Variants in KANK1 observed in about 807,000 individuals in gnomAD.
KANK1 encodes KN motif and ankyrin repeat domain-containing protein 1.
Under a neutral mutation model 106.2 loss-of-function variants are expected in KANK1, and 109 were observed. The observed-to-expected ratio is 1.03, with a 90% CI of 0.88 to 1.20. The LOEUF (loss-of-function observed/expected upper bound fraction) is 1.20. Ranked by LOEUF, KANK1 falls within the 50% of genes most tolerant of loss-of-function variation. The probability of loss-of-function intolerance (pLI) is 0.00; values close to 1 mark genes in which losing one functional copy is unlikely to be tolerated. For synonymous variants in KANK1, 873 were observed against 652.2 expected (o/e 1.34, Z -5.16); for missense variants, 2,399 against 1,710.7 (o/e 1.40, Z -7.10).
chr9:675,363 C>T (rs73370884), intron 1 of KANK1, among the ~76,000 whole-genome samples: 4,870 of 152,156 alleles, frequency 0.032, 275 homozygotes, highest in African/African-American at 0.11. Context: ...TTTATTTCTC[C>T]CAACTTCTTC....
intron 1 of KANK1, among the ~76,000 whole-genome samples, chr9:524,678 C>T (rs951702157): frequency 2.6e-5 from 4 of 151,282 alleles, no homozygotes; most frequent in East Asian, 1.9e-4. Context: ...CTACGACACC[C>T]GGCTAATTTT....
chr9:637,156 G>C (rs1837341327), intron 1 of KANK1, among the ~76,000 whole-genome samples: 1 of 152,178 alleles, frequency 6.6e-6, no homozygotes, highest in South Asian at 2.1e-4. Context: ...AATTGGAAGA[G>C]TTGTCCTTCT....
chr9:557,750 C>G (rs1308348942), intron 1 of KANK1, among the ~76,000 whole-genome samples: 1 of 152,154 alleles, frequency 6.6e-6, no homozygotes, highest in African/African-American at 2.4e-5. Flanking sequence ...ACCTGTACGG[C>G]CAGGTGTGGT....
chr9:711,895 CTGGAGCAGA>C lies in KANK1; in HGVS notation c.1130_1138del (p.Leu377_Lys380delinsGln), dbSNP rs748767612. 5.0e-6 allele frequency: 8 copies of C among 1,614,164 alleles called. No individual in the cohort carries two copies. The Admixed American group carries it at 1.3e-4, about 27-fold the overall frequency. ...GCAACTTACAGCAGACATGCAAGCC[CTGGAGCAGA>C]AGATCCAGGACAGCAGCTGTGAGGC... On this transcript the variant is annotated inframe_deletion, in exon 3 of 12. Coordinates refer to ENST00000382297, the MANE Select transcript of KANK1 (RefSeq NM_015158.5).
In KANK1 at chr9:497,430, T is replaced by TCACACACA. The variant is rs112024846; in HGVS notation, c.-362+24167_-362+24174dup. Among the ~76,000 whole-genome samples the TCACACACA allele has an allele frequency of 3.8e-3, 572 of 150,830 alleles. 4 individuals carry two copies. Among genetic ancestry groups the TCACACACA allele is most frequent in the African/African-American group, 0.013 (521 of 40,862 alleles). Reference sequence around the variant, plus strand: ...GGTGCTCAGGTATGCATGTGACTCTTCACACACACACACACACTCACACTC... The same window carrying TCACACACA: ...GGTGCTCAGGTATGCATGTGACTCTTCACACACACACACACACACACACACTCACACTC... On this transcript the variant is annotated intron_variant, in intron 3 of 15. Transcript: ENST00000382303.
chr9:641,590 G>T (rs1838443619), intron 1 of KANK1, among the ~76,000 whole-genome samples: 1 of 152,172 alleles, frequency 6.6e-6, no homozygotes, highest in Non-Finnish European at 1.5e-5. Context: ...TCGGAACAGA[G>T]GCATCCTCAA....
intron 2 of KANK1, among the ~76,000 whole-genome samples, chr9:696,259 G>A (rs1821274718): frequency 6.6e-6 from 1 of 151,778 alleles, no homozygotes; most frequent in Non-Finnish European, 1.5e-5. Flanking sequence ...ACTCCAGCCT[G>A]GGTGACAGAG....
chr9:678,568 A>T (rs1816864599), intron 2 of KANK1, among the ~76,000 whole-genome samples: 1 of 151,988 alleles, frequency 6.6e-6, no homozygotes, highest in African/African-American at 2.4e-5. Context: ...ATCTCTACAA[A>T]AATACAAAAA....
chr9:528,758 G>C (rs975198656), intron 1 of KANK1, among the ~76,000 whole-genome samples: 2 of 151,936 alleles, frequency 1.3e-5, no homozygotes, highest in African/African-American at 4.8e-5. Flanking sequence ...AAAGTGCTGG[G>C]ATTACAGGCA....
intron 3 of KANK1, among the ~76,000 whole-genome samples, chr9:715,950 G>A (rs1827575090): frequency 6.6e-6 from 1 of 152,164 alleles, no homozygotes; most frequent in Non-Finnish European, 1.5e-5. Context: ...GTGGCCCAGG[G>A]TGCACTGTGC....
intron 1 of KANK1, among the ~76,000 whole-genome samples, chr9:611,239 G>C (rs926681653): frequency 3.9e-5 from 6 of 152,128 alleles, no homozygotes; most frequent in Non-Finnish European, 7.3e-5. Context: ...AAAAACAACA[G>C]GCAAACTAAA....
chr9:540,756 A>G (rs2060551415), intron 1 of KANK1: 1 of 152,138 alleles, frequency 6.6e-6, no homozygotes, highest in Non-Finnish European at 1.5e-5. Context: ...TGTAAGTTGT[A>G]TGTTTCTAGG....
At chr9:531,276 T>TA (rs1364636883) in intron 1 of KANK1, among the ~76,000 whole-genome samples, 6 of 151,880 alleles carry the variant, frequency 4.0e-5, no homozygotes, top group South Asian at 2.1e-4. Flanking sequence ...CTTCCCTCTA[T>TA]AAAAAATACC....
chr9:532,671 C>A (rs888698773), intron 1 of KANK1, among the ~76,000 whole-genome samples: 49 of 152,238 alleles, frequency 3.2e-4, no homozygotes, highest in African/African-American at 1.2e-3. Context: ...TTGGCGTGAG[C>A]ATCTTATTTG....
chr9:577,453 G>A (rs953074245), intron 1 of KANK1, among the ~76,000 whole-genome samples: 7 of 151,960 alleles, frequency 4.6e-5, no homozygotes, highest in Admixed American at 6.6e-5. Flanking sequence ...TGATTGGCGC[G>A]CTTACAAACC....
intron 5 of KANK1, chr9:731,558 T>C (rs538884193): frequency 4.8e-6 from 1 of 208,884 alleles, no homozygotes; most frequent in African/African-American, 2.3e-5. Flanking sequence ...CTGCACTGTG[T>C]TGGACAACTT....
chr9:706,945 G>T, intron 2 of KANK1: 1 of 985,462 alleles, frequency 1.0e-6, no homozygotes. Context: ...TTAAAAATCA[G>T]CTGGCAAAGC....
At chr9:512,671 G>A (rs919324677) in intron 1 of KANK1, among the ~76,000 whole-genome samples, 1 of 152,056 alleles carries the variant, frequency 6.6e-6, no homozygotes, top group Admixed American at 6.6e-5. Context: ...ATTGGTTGTA[G>A]CACAAAACTT....
chr9:648,594 C>T (rs556990235), intron 1 of KANK1, among the ~76,000 whole-genome samples: 1 of 152,108 alleles, frequency 6.6e-6, no homozygotes, highest in African/African-American at 2.4e-5. Flanking sequence ...ATCGTACTTG[C>T]AAAGCTTAAA....
Sources: gnomAD v4.1 joint callset for allele counts (sites outside exome capture counted in the v4.1 genomes callset) on GRCh38, gnomAD v4.1.1 for gene constraint, MANE v1.5 for transcripts, NCBI Gene and HGNC (gene_info 2026-07-23, HGNC 2026-07-21) for gene names.